HCN1: variants seen among roughly 807,000 people sequenced by gnomAD.
HCN1 encodes the protein hyperpolarization activated cyclic nucleotide gated potassium channel 1, also known as potassium/sodium hyperpolarization-activated cyclic nucleotide-gated channel 1.
A neutral mutation model predicts 78.9 loss-of-function variants in HCN1; 13 were observed. That is an observed-to-expected ratio of 0.16 (90% confidence interval 0.11 to 0.26). HCN1 has a LOEUF of 0.26. Ranked by LOEUF, HCN1 falls within the 10% of genes least tolerant of loss-of-function variation. The pLI is 1.00. For missense variants in HCN1, 810 were observed against 1,154.3 expected (o/e 0.70, Z 4.32); for synonymous variants, 552 against 455.5 (o/e 1.21, Z -2.70).
At chr5:45,647,357 A>T (rs1192296976) in intron 1 of HCN1, among the ~76,000 whole-genome samples, 2 of 152,110 alleles carry the variant, frequency 1.3e-5, no homozygotes, top group Admixed American at 1.3e-4. Flanking sequence ...TTCACAAAGA[A>T]ATGGCACCAC....
At chr5:45,618,703 A>C (rs894977834) in intron 2 of HCN1, among the ~76,000 whole-genome samples, 4 of 152,084 alleles carry the variant, frequency 2.6e-5, no homozygotes, top group African/African-American at 9.6e-5. Context: ...TGAAAGAACA[A>C]ATTCCATATT....
At chr5:45,490,824 G>T (rs1392820518) in intron 2 of HCN1, among the ~76,000 whole-genome samples, 2 of 151,688 alleles carry the variant, frequency 1.3e-5, no homozygotes, top group African/African-American at 2.4e-5. Flanking sequence ...CTCAATTTTT[G>T]CTCCAGAATA....
intron 2 of HCN1, among the ~76,000 whole-genome samples, chr5:45,478,152 A>G (rs77785173): frequency 6.6e-6 from 1 of 150,514 alleles, no homozygotes; most frequent in East Asian, 1.9e-4. Context: ...ACACTCTGTC[A>G]AAAAAAAAAT....
chr5:45,612,838 A>G (rs569852089), intron 2 of HCN1, among the ~76,000 whole-genome samples: 18 of 152,314 alleles, frequency 1.2e-4, no homozygotes, highest in Non-Finnish European at 2.4e-4. Context: ...TAGCTCTCCC[A>G]ATTATTGTAT....
At chr5:45,300,887 C>T (rs1051017602) in intron 6 of HCN1, among the ~76,000 whole-genome samples, 1 of 152,066 alleles carries the variant, frequency 6.6e-6, no homozygotes, top group Non-Finnish European at 1.5e-5. Context: ...ATACAAAAGG[C>T]TAAGGGGCCA....
At chr5:45,598,001 C>A (rs968112193) in intron 2 of HCN1, among the ~76,000 whole-genome samples, 5 of 152,164 alleles carry the variant, frequency 3.3e-5, no homozygotes, top group East Asian at 1.9e-4. Flanking sequence ...AAGATAATTT[C>A]TAGATTCAAT....
rs1273496589 is a variant in HCN1, at chr5:45,304,182, C to G, written c.1378-343G>C. Among the ~76,000 whole-genome samples the G allele has an allele frequency of 1.2e-4, 18 of 152,074 alleles. No homozygotes were observed. The East Asian group carries it at 3.5e-3, about 30-fold the overall frequency. On this transcript the variant is annotated intron_variant, in intron 5 of 7. Coordinates refer to ENST00000303230, the MANE Select transcript of HCN1 (RefSeq NM_021072.4). ...AAAATGTGAATACATTCTATTCTTC[C>G]TTTTATCTTTTATTTACGAAGAAAG...
intron 5 of HCN1, among the ~76,000 whole-genome samples, chr5:45,308,353 G>A (rs190928210): frequency 6.8e-4 from 103 of 152,060 alleles, no homozygotes; most frequent in Non-Finnish European, 1.1e-3. Flanking sequence ...TAAGAAATCT[G>A]CAAATATAAA....
At chr5:45,577,596 G>C (rs1213428260) in intron 2 of HCN1, among the ~76,000 whole-genome samples, 1 of 151,854 alleles carries the variant, frequency 6.6e-6, no homozygotes, top group Non-Finnish European at 1.5e-5. Context: ...TTGGCCTCCA[G>C]TCCTTAAATA....
chr5:45,305,126 G>C (rs1419183974), intron 5 of HCN1, among the ~76,000 whole-genome samples: 1 of 152,134 alleles, frequency 6.6e-6, no homozygotes, highest in Non-Finnish European at 1.5e-5. Context: ...GTGAAAAGAA[G>C]GCAGAAGGAA....
intron 5 of HCN1, among the ~76,000 whole-genome samples, chr5:45,306,650 A>C (rs1207004817): frequency 6.6e-6 from 1 of 152,142 alleles, no homozygotes; most frequent in African/African-American, 2.4e-5. Flanking sequence ...CAATCATGTA[A>C]GTATAGAATG....
intron 2 of HCN1, among the ~76,000 whole-genome samples, chr5:45,599,471 T>C (rs1744579118): frequency 6.6e-6 from 1 of 152,112 alleles, no homozygotes; most frequent in Admixed American, 6.6e-5. Flanking sequence ...GACGAGTTGA[T>C]GGGTGCAGCA....
chr5:45,465,330 G>A (rs1462681695), intron 2 of HCN1, among the ~76,000 whole-genome samples: 2 of 152,032 alleles, frequency 1.3e-5, no homozygotes, highest in Admixed American at 1.3e-4. Context: ...CCTAACCTCA[G>A]GTTAGGGTAA....
At chr5:45,306,256 T>C (rs545075004) in intron 5 of HCN1, among the ~76,000 whole-genome samples, 1 of 152,216 alleles carries the variant, frequency 6.6e-6, no homozygotes, top group East Asian at 1.9e-4. Context: ...GTACCTTGAT[T>C]TGAACTATGC....
Position 45,374,276 on chromosome 5 carries a change from A to G in HCN1, c.1231-21030T>C, listed in dbSNP as rs867059505. Among the ~76,000 whole-genome samples, 255 of 104,332 alleles carry G rather than the reference A, an allele frequency of 2.4e-3. 1 individual carries two copies. The highest frequency in any genetic ancestry group is 5.4e-3 in the African/African-American group (103 of 19,218). The allele number at this position is 104,332 out of a possible 152,430, so 68.4% of individuals were successfully genotyped here. A position where few individuals can be genotyped will look rare whatever the true frequency, so the allele number is the denominator to read the frequency against. On this transcript the variant is annotated intron_variant, in intron 4 of 7. Coordinates refer to ENST00000303230, the MANE Select transcript of HCN1 (RefSeq NM_021072.4). ...ATTATATACATAACATATATATTAT[A>G]TACATTATATACATTATATATATTG...
intron 6 of HCN1, among the ~76,000 whole-genome samples, chr5:45,269,389 T>C (rs1266843287): frequency 2.6e-5 from 4 of 152,220 alleles, no homozygotes; most frequent in Non-Finnish European, 5.9e-5. Context: ...CATTTGAATT[T>C]ATTTTTTCTG....
At chr5:45,310,459 A>G (rs1462531031) in intron 5 of HCN1, among the ~76,000 whole-genome samples, 1 of 152,202 alleles carries the variant, frequency 6.6e-6, no homozygotes, top group Admixed American at 6.5e-5. Context: ...TCAAAACCAC[A>G]ATGATATACC....
At chr5:45,477,537 ATG>A (rs1365373991) in intron 2 of HCN1, among the ~76,000 whole-genome samples, 1 of 152,176 alleles carries the variant, frequency 6.6e-6, no homozygotes, top group African/African-American at 2.4e-5. Flanking sequence ...ACCTGGTAAT[ATG>A]TGTTTGTAAA....
At chr5:45,486,422 T>C (rs2111687697) in intron 2 of HCN1, among the ~76,000 whole-genome samples, 1 of 152,234 alleles carries the variant, frequency 6.6e-6, no homozygotes, top group South Asian at 2.1e-4. Context: ...TTACCCAACA[T>C]GACATGGATA....
Sources: allele counts gnomAD v4.1 joint callset (sites outside exome capture counted in the v4.1 genomes callset), GRCh38; gene constraint gnomAD v4.1.1; transcripts MANE v1.5; gene names NCBI Gene and HGNC (gene_info 2026-07-23, HGNC 2026-07-21).